GREM2: variants seen among roughly 807,000 people sequenced by gnomAD.
GREM2 encodes the protein gremlin-2.
In GREM2, 11 loss-of-function variants were observed where a neutral mutation model predicts 14.2. The observed-to-expected ratio is 0.78, with a 90% CI of 0.49 to 1.28. The LOEUF (loss-of-function observed/expected upper bound fraction) is 1.28, where lower values mean the gene tolerates loss of function less well. Among genes scored for constraint, GREM2 ranks in the 50% most tolerant of loss-of-function variants. The pLI, the probability that GREM2 is intolerant of heterozygous loss-of-function variation, is 0.00. For synonymous variants in GREM2, 98 were observed against 97.6 expected, an observed-to-expected ratio of 1.00 and a Z score of -0.02; for missense variants, 210 against 218.5, an observed-to-expected ratio of 0.96 and a Z score of 0.24.
intron 1 of GREM2, among the ~76,000 whole-genome samples, chr1:240,498,714 G>A (rs1383554276): frequency 6.6e-6 from 1 of 152,176 alleles, no homozygotes; most frequent in African/African-American, 2.4e-5. Flanking sequence ...TCAGAAAAAT[G>A]GTTGGCACAC....
At chr1:240,502,476 T>C (rs1433891485) in intron 1 of GREM2, among the ~76,000 whole-genome samples, 1 of 152,202 alleles carries the variant, frequency 6.6e-6, no homozygotes, top group Non-Finnish European at 1.5e-5. Context: ...TCCATAACCC[T>C]GTCTTCTCAT....
At chr1:240,580,578 ATCCT>A in intron 1 of GREM2, among the ~76,000 whole-genome samples, 1 of 152,146 alleles carries the variant, frequency 6.6e-6, no homozygotes, top group Non-Finnish European at 1.5e-5. Context: ...TATCCAATAT[ATCCT>A]TCCTTCCTTC....
intron 1 of GREM2, among the ~76,000 whole-genome samples, chr1:240,519,201 G>A (rs921273723): frequency 6.6e-5 from 10 of 152,146 alleles, no homozygotes; most frequent in Admixed American, 1.3e-4. Context: ...CCATGTGTCC[G>A]CACAACAAAT....
chr1:240,537,102 G>T (rs1355524433), intron 1 of GREM2, among the ~76,000 whole-genome samples: 1 of 152,178 alleles, frequency 6.6e-6, no homozygotes, highest in Non-Finnish European at 1.5e-5. Context: ...CCAGAAGCCA[G>T]AATAGACCTG....
At chr1:240,510,645 A>T (rs991215014) in intron 1 of GREM2, among the ~76,000 whole-genome samples, 1 of 152,216 alleles carries the variant, frequency 6.6e-6, no homozygotes, top group African/African-American at 2.4e-5. Flanking sequence ...TTTCACCTCA[A>T]TTAAAAGAAA....
intron 1 of GREM2, among the ~76,000 whole-genome samples, chr1:240,548,689 T>C (rs1297862080): frequency 4.3e-4 from 65 of 152,238 alleles, no homozygotes; most frequent in Non-Finnish European, 1.6e-4. Context: ...ACTAAAGATT[T>C]GGGAAAGGTG....
At chr1:240,530,685 T>C (rs1057003281) in intron 1 of GREM2, 2 of 152,198 alleles carry the variant, frequency 1.3e-5, no homozygotes, top group Admixed American at 1.3e-4. Context: ...AATAAAAAGA[T>C]CAATGGTCCA....
chr1:240,590,565 G>C (rs1279831975), intron 1 of GREM2, among the ~76,000 whole-genome samples: 1 of 151,420 alleles, frequency 6.6e-6, no homozygotes, highest in Non-Finnish European at 1.5e-5. Context: ...GAGTAGCTGG[G>C]ATTACAGGCA....
intron 1 of GREM2, among the ~76,000 whole-genome samples, chr1:240,562,871 AGTGTGTAT>A (rs1446425849): frequency 2.2e-5 from 3 of 139,318 alleles, no homozygotes; most frequent in Non-Finnish European, 3.1e-5. Flanking sequence ...TGTATATGTG[AGTGTGTAT>A]GTGTGTATGA....
intron 1 of GREM2, among the ~76,000 whole-genome samples, chr1:240,604,016 C>A (rs534524172): frequency 1.3e-5 from 2 of 151,306 alleles, no homozygotes; most frequent in Non-Finnish European, 2.9e-5. Context: ...GGCTTCCACT[C>A]ACGGCGAGGG....
intron 1 of GREM2, among the ~76,000 whole-genome samples, chr1:240,511,619 G>C (rs907128529): frequency 6.6e-6 from 1 of 152,154 alleles, no homozygotes; most frequent in Non-Finnish European, 1.5e-5. Flanking sequence ...CGGGTGTGGT[G>C]GTGGGCGCCT....
intron 1 of GREM2, among the ~76,000 whole-genome samples, chr1:240,502,601 A>G (rs1252922099): frequency 1.3e-5 from 2 of 152,154 alleles, no homozygotes; most frequent in African/African-American, 2.4e-5. Context: ...AATGTCCTGT[A>G]GGCACCTCAA....
At position 240,526,694 on chromosome 1, in the gene GREM2, A is replaced by G. The variant is rs528698963; in HGVS notation, c.-1-33218T>C. Among the ~76,000 whole-genome samples, 3 of 152,336 alleles carry G rather than the reference A, an allele frequency of 2.0e-5. No homozygotes were observed. The East Asian group carries it at 5.8e-4, about 29-fold the overall frequency. The stretch of plus-strand genomic sequence containing the variant: ...CCGTGCTTACGTGGACGTGTCTTCA[A>G]GAGCATCTCATAGACAGACGCACAT... On this transcript the variant is annotated intron_variant, in intron 1 of 1. Coordinates refer to ENST00000318160, the MANE Select transcript of GREM2 (RefSeq NM_022469.4).
At chr1:240,502,047 C>A (rs1355127515) in intron 1 of GREM2, among the ~76,000 whole-genome samples, 1 of 152,060 alleles carries the variant, frequency 6.6e-6, no homozygotes, top group African/African-American at 2.4e-5. Context: ...TTCCACAGCC[C>A]AAAGACCCCC....
intron 1 of GREM2, among the ~76,000 whole-genome samples, chr1:240,567,972 G>C (rs1045880980): frequency 1.3e-5 from 2 of 152,066 alleles, no homozygotes; most frequent in Admixed American, 1.3e-4. Context: ...AGCCAGATGT[G>C]GTGGAGTGTG....
chr1:240,513,341 C>T (rs1358907039), intron 1 of GREM2, among the ~76,000 whole-genome samples: 1 of 152,082 alleles, frequency 6.6e-6, no homozygotes, highest in Non-Finnish European at 1.5e-5. Context: ...CTTTGGGAGA[C>T]CGAGGCGGGC....
chr1:240,541,957 C>G (rs970133600), intron 1 of GREM2, among the ~76,000 whole-genome samples: 1 of 152,132 alleles, frequency 6.6e-6, no homozygotes, highest in Non-Finnish European at 1.5e-5. Flanking sequence ...CGTCTCTACT[C>G]TGTACTCCAT....
rs148058646 is a variant in GREM2, at chr1:240,532,750, AG to A, written c.-1-39275del. Among the ~76,000 whole-genome samples, 1,250 of 152,302 alleles carry A rather than the reference AG, an allele frequency of 8.2e-3. 17 individuals carry two copies. Among genetic ancestry groups the A allele is most frequent in the African/African-American group, 0.027 (1,141 of 41,562 alleles). Reference sequence around the variant, plus strand: ...CATCACCATCACCATTTCATAGAGAAGAAATACTTAGAGAAGTTAAGTCTCT... The same window carrying A: ...CATCACCATCACCATTTCATAGAGAAAAATACTTAGAGAAGTTAAGTCTCT... On this transcript the variant is annotated intron_variant, in intron 1 of 1. Coordinates refer to ENST00000318160, the MANE Select transcript of GREM2 (RefSeq NM_022469.4).
chr1:240,550,559 G>A (rs1195140762), intron 1 of GREM2, among the ~76,000 whole-genome samples: 2 of 152,180 alleles, frequency 1.3e-5, no homozygotes, highest in Non-Finnish European at 2.9e-5. Flanking sequence ...GGTACTTGGG[G>A]AGTAGTGGGG....
Sources: allele counts gnomAD v4.1 joint callset (sites outside exome capture counted in the v4.1 genomes callset), GRCh38; gene constraint gnomAD v4.1.1; transcripts MANE v1.5; gene names NCBI Gene and HGNC (gene_info 2026-07-23, HGNC 2026-07-21).